The following NRXN3 variants were observed in gnomAD, a reference collection of about 807,000 sequenced individuals.
The protein encoded by NRXN3 is neurexin III.
A neutral mutation model predicts 137.6 loss-of-function variants in NRXN3; 32 were observed. That is an observed-to-expected ratio of 0.23 (90% CI 0.18 to 0.31). The LOEUF (loss-of-function observed/expected upper bound fraction) is 0.31, where lower values mean the gene tolerates loss of function less well. NRXN3 is among the 10% of genes least tolerant of loss of function. The pLI is 1.00. For synonymous variants in NRXN3, 798 were observed against 784.5 expected, an observed-to-expected ratio of 1.02 and a Z score of -0.29; for missense variants, 1,574 against 2,062.5, an observed-to-expected ratio of 0.76 and a Z score of 4.59.
intron 4 of NRXN3, among the ~76,000 whole-genome samples, chr14:78,520,655 T>C (rs2096272032): frequency 6.6e-6 from 1 of 152,182 alleles, no homozygotes; most frequent in South Asian, 2.1e-4. Flanking sequence ...AGTATCCTTA[T>C]TTGTAAAATG....
intron 4 of NRXN3, among the ~76,000 whole-genome samples, chr14:78,582,605 C>T (rs764620225): frequency 4.6e-5 from 7 of 152,154 alleles, no homozygotes. Context: ...TTCAGTCTCA[C>T]CCTCACTTGC....
chr14:78,857,365 A>C (rs1289850521), intron 10 of NRXN3, among the ~76,000 whole-genome samples: 2 of 152,194 alleles, frequency 1.3e-5, no homozygotes, highest in Non-Finnish European at 2.9e-5. Context: ...TGGCAGTCTT[A>C]GGGTTGAAAT....
At chr14:78,237,701 A>G (rs566724969) in intron 1 of NRXN3, among the ~76,000 whole-genome samples, 2 of 152,212 alleles carry the variant, frequency 1.3e-5, no homozygotes, top group African/African-American at 4.8e-5. Flanking sequence ...AAACTGGATC[A>G]TATGATTTGG....
chr14:78,297,773 C>CT, intron 3 of NRXN3, 58 bp from the exon 4 acceptor site: 1 of 1,283,980 alleles, frequency 7.8e-7, no homozygotes, highest in Non-Finnish European at 1.1e-6. Flanking sequence ...TGTCTTCTTT[C>CT]TTTTTTTCCT....
chr14:78,591,358 G>T (rs2097114457), intron 4 of NRXN3, among the ~76,000 whole-genome samples: 1 of 152,164 alleles, frequency 6.6e-6, no homozygotes, highest in Non-Finnish European at 1.5e-5. Context: ...ACCCAAGACT[G>T]TGTTTCTAAC....
At chr14:79,331,371 A>G (rs189773461) in intron 15 of NRXN3, among the ~76,000 whole-genome samples, 7 of 152,302 alleles carry the variant, frequency 4.6e-5, no homozygotes, top group East Asian at 1.9e-4. Context: ...ATGTTCTGCA[A>G]TTCAGTTCCA....
At chr14:79,308,637 T>G (rs1176832113) in intron 15 of NRXN3, among the ~76,000 whole-genome samples, 1 of 152,118 alleles carries the variant, frequency 6.6e-6, no homozygotes, top group African/African-American at 2.4e-5. Flanking sequence ...GGCTGCCCTG[T>G]AGATATTCCA....
At chr14:79,683,876 C>T (rs1242819383) in intron 17 of NRXN3, among the ~76,000 whole-genome samples, 1 of 152,158 alleles carries the variant, frequency 6.6e-6, no homozygotes, top group Admixed American at 6.6e-5. Context: ...AGAGAGAGCA[C>T]CTTTTATGAC....
chr14:78,220,532 T>C (rs1253956352), intron 1 of NRXN3, among the ~76,000 whole-genome samples: 1 of 151,764 alleles, frequency 6.6e-6, no homozygotes, highest in Non-Finnish European at 1.5e-5. Context: ...ATGCAGAGGA[T>C]GAGGATAGAA....
chr14:79,344,830 G>T (rs2092788715), intron 15 of NRXN3, among the ~76,000 whole-genome samples: 1 of 152,116 alleles, frequency 6.6e-6, no homozygotes. Flanking sequence ...TTGGCAAAAT[G>T]GTGAAAGAAA....
chr14:78,912,438 C>T (rs888038072), intron 10 of NRXN3, among the ~76,000 whole-genome samples: 9 of 151,734 alleles, frequency 5.9e-5, no homozygotes, highest in Admixed American at 3.3e-4. Context: ...TATATGTCTC[C>T]ATAGGCCTTT....
At position 78,959,604 on chromosome 14, in the gene NRXN3, C is replaced by T. The variant is rs536972008; in HGVS notation, c.2395+2243C>T. Among the ~76,000 whole-genome samples the T allele has an allele frequency of 7.2e-5, 11 of 152,252 alleles. No homozygotes were observed. In the East Asian group the frequency reaches 9.7e-4, roughly 13 times the overall value. ...ACCACAACAATTACCCAAAACACTT[C>T]GATTACACATAGACATAACTCAGAA... On this transcript the variant is annotated intron_variant, in intron 11 of 20. Transcript: ENST00000335750.
intron 4 of NRXN3, among the ~76,000 whole-genome samples, chr14:78,339,073 C>A (rs1240621617): frequency 6.6e-6 from 1 of 152,110 alleles, no homozygotes; most frequent in Non-Finnish European, 1.5e-5. Flanking sequence ...GCTCTTCTTA[C>A]CTGAGAAGGA....
intron 15 of NRXN3, among the ~76,000 whole-genome samples, chr14:79,134,941 C>T (rs983253423): frequency 3.9e-5 from 6 of 152,118 alleles, no homozygotes; most frequent in Non-Finnish European, 7.4e-5. Flanking sequence ...TTTACCAAAT[C>T]CCTGCCTTTC....
intron 4 of NRXN3, among the ~76,000 whole-genome samples, chr14:78,500,387 C>G (rs1459505294): frequency 6.6e-6 from 1 of 152,098 alleles, no homozygotes; most frequent in African/African-American, 2.4e-5. Context: ...TTTTAAGTTT[C>G]CTTTTCTTCT....
At chr14:78,488,500 T>G (rs1247712265) in intron 4 of NRXN3, among the ~76,000 whole-genome samples, 2 of 152,104 alleles carry the variant, frequency 1.3e-5, no homozygotes, top group East Asian at 3.9e-4. Context: ...ACATTAAAAA[T>G]CAAAAAGGTG....
chr14:78,262,314 T>C (rs1025876049), intron 2 of NRXN3, among the ~76,000 whole-genome samples: 13 of 152,064 alleles, frequency 8.5e-5, no homozygotes, highest in Admixed American at 6.5e-4. Context: ...AGAGAAGCCA[T>C]CAGTGTGATA....
chr14:78,242,150 G>A (rs946681681), intron 1 of NRXN3, among the ~76,000 whole-genome samples: 2 of 152,070 alleles, frequency 1.3e-5, no homozygotes, highest in African/African-American at 2.4e-5. Context: ...TATGGCTTTG[G>A]GGATTTTTAT....
intron 8 of NRXN3, among the ~76,000 whole-genome samples, chr14:78,717,412 A>C (rs2098438984): frequency 6.6e-6 from 1 of 152,196 alleles, no homozygotes; most frequent in African/African-American, 2.4e-5. Context: ...AAATGAGAAG[A>C]AGCTTAGCAA....
Sources: gnomAD v4.1 joint callset for allele counts (sites outside exome capture counted in the v4.1 genomes callset) on GRCh38, gnomAD v4.1.1 for gene constraint, MANE v1.5 for transcripts, NCBI Gene and HGNC (gene_info 2026-07-23, HGNC 2026-07-21) for gene names.